The following NAALADL2 variants were observed in gnomAD, a reference collection of about 807,000 sequenced individuals.
NAALADL2 encodes inactive N-acetylated-alpha-linked acidic dipeptidase-like protein 2.
A neutral mutation model predicts 87.2 loss-of-function variants in NAALADL2; 76 were observed. That is an observed-to-expected ratio of 0.87 (90% CI 0.72 to 1.05). NAALADL2 has a LOEUF of 1.05. Ranked by LOEUF, NAALADL2 falls within the 50% of genes least tolerant of loss-of-function variation. The pLI is 0.00. For synonymous variants in NAALADL2, 354 were observed against 331.0 expected (o/e 1.07, Z -0.75); for missense variants, 1,089 against 945.8 (o/e 1.15, Z -1.99).
At chr3:175,161,788 T>C (rs1733264359) in intron 2 of NAALADL2, among the ~76,000 whole-genome samples, 2 of 152,152 alleles carry the variant, frequency 1.3e-5, no homozygotes, top group African/African-American at 4.8e-5. Context: ...TGCCCTATCA[T>C]AAGGAAAGAG....
chr3:175,349,795 C>A (rs1231321093), intron 5 of NAALADL2, among the ~76,000 whole-genome samples: 1 of 152,062 alleles, frequency 6.6e-6, no homozygotes, highest in Admixed American at 6.6e-5. Flanking sequence ...ATGTCAAGAA[C>A]CTGATGAGTG....
chr3:174,750,106 T>G (rs367612759), intron 3 of NAALADL2, among the ~76,000 whole-genome samples: 5 of 152,244 alleles, frequency 3.3e-5, no homozygotes, highest in African/African-American at 1.2e-4. Flanking sequence ...CAGTAATTAC[T>G]ATTGTTTGTT....
intron 6 of NAALADL2, among the ~76,000 whole-genome samples, chr3:175,461,956 G>A (rs147266773): frequency 2.1e-3 from 323 of 152,074 alleles, no homozygotes; most frequent in African/African-American, 7.5e-3. Flanking sequence ...GGGAGGGAAG[G>A]AGGGCTGAAG....
chr3:175,128,202 T>C (rs1727262325), intron 2 of NAALADL2, among the ~76,000 whole-genome samples: 2 of 152,172 alleles, frequency 1.3e-5, no homozygotes, highest in Admixed American at 6.5e-5. Flanking sequence ...TTTAGAAAAT[T>C]AATGCTATTA....
rs35005055 is a variant in NAALADL2, at chr3:175,374,873, CAAATAAATAAATAAAT to C, written c.1090+50579_1090+50594del. 2.7e-3 allele frequency among the ~76,000 whole-genome samples: 400 copies of C among 147,130 alleles called. 2 individuals are homozygous for C. Among genetic ancestry groups the C allele is most frequent in the African/African-American group, 9.2e-3 (366 of 39,802 alleles). On this transcript the variant is annotated intron_variant, in intron 5 of 13. Transcript: ENST00000454872. Reference sequence around the variant, plus strand: ...TGGGTGACACAATGAGACCCTGTCGCAAATAAATAAATAAATAAATAAATAAATAAATAAATAAATA... The same window carrying C: ...TGGGTGACACAATGAGACCCTGTCGCAAATAAATAAATAAATAAATAAATA...
At chr3:174,772,708 A>T (rs1714729244) in intron 3 of NAALADL2, among the ~76,000 whole-genome samples, 1 of 152,170 alleles carries the variant, frequency 6.6e-6, no homozygotes, top group African/African-American at 2.4e-5. Context: ...TCTGGTATTG[A>T]TAGGTGCAGA....
chr3:175,123,137 G>A (rs1207001347), intron 2 of NAALADL2, among the ~76,000 whole-genome samples: 2 of 151,918 alleles, frequency 1.3e-5, no homozygotes, highest in African/African-American at 4.8e-5. Context: ...GAGTTTTGGA[G>A]GGGACATTCA....
chr3:174,643,743 C>A (rs1723494431), intron 2 of NAALADL2, among the ~76,000 whole-genome samples: 1 of 152,180 alleles, frequency 6.6e-6, no homozygotes, highest in South Asian at 2.1e-4. Flanking sequence ...AAATTAAAAG[C>A]TAACTCCATG....
At chr3:175,316,198 G>A (rs1057461947) in intron 4 of NAALADL2, among the ~76,000 whole-genome samples, 3 of 152,040 alleles carry the variant, frequency 2.0e-5, no homozygotes, top group African/African-American at 7.2e-5. Flanking sequence ...ACCTCTCTTG[G>A]TTATGATGTA....
At chr3:175,106,840 C>T (rs1723241642) in intron 2 of NAALADL2, among the ~76,000 whole-genome samples, 1 of 151,974 alleles carries the variant, frequency 6.6e-6, no homozygotes, top group Non-Finnish European at 1.5e-5. Context: ...ACCATTAATT[C>T]CATAATCTCA....
intron 2 of NAALADL2, among the ~76,000 whole-genome samples, chr3:175,172,850 G>T (rs1238186003): frequency 6.6e-6 from 1 of 152,054 alleles, no homozygotes; most frequent in Non-Finnish European, 1.5e-5. Flanking sequence ...AATACTATTT[G>T]TTTTCACTTA....
At chr3:174,872,977 C>T (rs1157220754) in intron 1 of NAALADL2, among the ~76,000 whole-genome samples, 1 of 152,044 alleles carries the variant, frequency 6.6e-6, no homozygotes, top group South Asian at 2.1e-4. Flanking sequence ...ATGGACATCC[C>T]CAACCTCCTC....
At chr3:175,418,975 C>T (rs531269204) in intron 5 of NAALADL2, among the ~76,000 whole-genome samples, 4 of 151,884 alleles carry the variant, frequency 2.6e-5, no homozygotes, top group African/African-American at 9.6e-5. Context: ...GATAAACCTT[C>T]CTGTTGAGTG....
chr3:175,434,563 T>C (rs1270773542), intron 5 of NAALADL2, among the ~76,000 whole-genome samples: 1 of 152,024 alleles, frequency 6.6e-6, no homozygotes, highest in Non-Finnish European at 1.5e-5. Flanking sequence ...CTTCTGTCTG[T>C]TCATTTAATC....
intron 1 of NAALADL2, among the ~76,000 whole-genome samples, chr3:174,938,318 C>T (rs1307354132): frequency 6.6e-6 from 1 of 152,036 alleles, no homozygotes; most frequent in Non-Finnish European, 1.5e-5. Flanking sequence ...AAGATAATAG[C>T]CTCCAGCTCT....
At position 175,343,655 on chromosome 3, in the gene NAALADL2, G is replaced by GTTTTTTTTTTTT. The variant is rs113806607; in HGVS notation, c.1090+19340_1090+19351dup. On this transcript the variant is annotated intron_variant, in intron 5 of 13. Coordinates refer to ENST00000454872, the MANE Select transcript of NAALADL2 (RefSeq NM_207015.3). ...TGGAGTTCCTGTGTGTCTTGATCAT[G>GTTTTTTTTTTTT]TTTTTTTTTTTTTTTTTTTTTCCCT... 2.7e-3 allele frequency among the ~76,000 whole-genome samples: 177 copies of GTTTTTTTTTTTT among 64,692 alleles called. 21 individuals are homozygous for GTTTTTTTTTTTT. The highest frequency in any genetic ancestry group is 6.5e-3 in the African/African-American group (141 of 21,840). 42.4% of individuals were successfully genotyped at this position (64,692 alleles called of 152,430 possible).
intron 11 of NAALADL2, among the ~76,000 whole-genome samples, chr3:175,648,454 A>G (rs73049359): frequency 0.024 from 3,579 of 151,570 alleles, 148 homozygotes; most frequent in African/African-American, 0.083. Flanking sequence ...CCTGTTGGCA[A>G]TGATTCAAGT....
At chr3:175,562,309 T>A (rs1179593541) in intron 9 of NAALADL2, among the ~76,000 whole-genome samples, 1 of 152,134 alleles carries the variant, frequency 6.6e-6, no homozygotes, top group East Asian at 1.9e-4. Flanking sequence ...TATAAAGATA[T>A]TGTATATGAA....
chr3:174,597,368 GT>G (rs1718019793), intron 2 of NAALADL2, among the ~76,000 whole-genome samples: 1 of 152,096 alleles, frequency 6.6e-6, no homozygotes, highest in African/African-American at 2.4e-5. Context: ...AGGAAAGCAG[GT>G]GTTCAACGTA....
Sources: gnomAD v4.1 joint callset for allele counts (sites outside exome capture counted in the v4.1 genomes callset) on GRCh38, gnomAD v4.1.1 for gene constraint, MANE v1.5 for transcripts, NCBI Gene and HGNC (gene_info 2026-07-23, HGNC 2026-07-21) for gene names.